APBA2: variants seen among roughly 807,000 people sequenced by gnomAD.
APBA2 encodes amyloid beta precursor protein binding family A member 2.
In APBA2, 30 loss-of-function variants were observed where a neutral mutation model predicts 75.0. The ratio of observed to expected loss-of-function variants is 0.40; its 90% CI spans 0.30 to 0.54. The LOEUF is 0.54. Ranked by LOEUF, APBA2 falls within the 20% of genes least tolerant of loss-of-function variation. The pLI is 0.49. For synonymous variants in APBA2, 444 were observed against 409.6 expected, an observed-to-expected ratio of 1.08 and a Z score of -1.01; for missense variants, 801 against 1,016.1, an observed-to-expected ratio of 0.79 and a Z score of 2.88.
Position 29,117,491 on chromosome 15 carries a change from G to T in APBA2, c.*358G>T, listed in dbSNP as rs2045266328. 2 of 302,036 alleles carry T rather than the reference G, an allele frequency of 6.6e-6. No homozygotes were observed. Among genetic ancestry groups the T allele is most frequent in the Non-Finnish European group, 6.3e-6 (1 of 158,944 alleles). 18.7% of individuals were successfully genotyped at this position (302,036 alleles called of 1,614,324 possible). On this transcript the variant is annotated 3_prime_UTR_variant, in exon 15 of 15. Coordinates refer to ENST00000683413, the MANE Select transcript of APBA2 (RefSeq NM_001353788.2). Reference sequence around the variant, plus strand: ...TGCGGAGCGAACTGGCGCCTCCGAGGGACGCGGCTCCCGGGGCAGGGCAGC... The same window carrying T: ...TGCGGAGCGAACTGGCGCCTCCGAGTGACGCGGCTCCCGGGGCAGGGCAGC...
rs954163077 is a variant in APBA2 at position 29,048,980 on chromosome 15, G to A, written c.-40-4865G>A. Among the ~76,000 whole-genome samples, 39 of 152,022 alleles carry A rather than the reference G, an allele frequency of 2.6e-4. 1 individual carries two copies. Among genetic ancestry groups the A allele is most frequent in the Non-Finnish European group, 1.0e-4 (7 of 68,006 alleles). The stretch of plus-strand genomic sequence containing the variant: ...AAGAATTTAGTGTATGACACGCAGG[G>A]TGACCAGCCATCCCAGTTCCTGTGG... On this transcript the variant is annotated intron_variant, in intron 3 of 14. Coordinates refer to ENST00000683413, the MANE Select transcript of APBA2 (RefSeq NM_001353788.2).
chr15:28,976,267 T>G (rs1261249471), intron 2 of APBA2, among the ~76,000 whole-genome samples: 1 of 152,244 alleles, frequency 6.6e-6, no homozygotes, highest in Non-Finnish European at 1.5e-5. Context: ...ACAGTATGTC[T>G]CCTGCATGTA....
At chr15:28,958,104 C>T (rs184775643) in intron 2 of APBA2, among the ~76,000 whole-genome samples, 1 of 152,344 alleles carries the variant, frequency 6.6e-6, no homozygotes, top group East Asian at 1.9e-4. Flanking sequence ...GGATTGCACT[C>T]TCTGCTTTCT....
chr15:29,010,744 A>G (rs1405581565), intron 3 of APBA2, among the ~76,000 whole-genome samples: 2 of 152,308 alleles, frequency 1.3e-5, no homozygotes, highest in East Asian at 3.9e-4. Flanking sequence ...GAACATGAAA[A>G]CAACAGCATA....
chr15:28,901,508 G>A (rs559159242), intron 1 of APBA2, among the ~76,000 whole-genome samples: 1 of 152,322 alleles, frequency 6.6e-6, no homozygotes, highest in East Asian at 1.9e-4. Flanking sequence ...TTCAGTATGT[G>A]GTGCTGTGTG....
chr15:28,910,035 C>CAGAA (rs1305994247), intron 1 of APBA2, among the ~76,000 whole-genome samples: 2 of 152,174 alleles, frequency 1.3e-5, no homozygotes, highest in East Asian at 3.9e-4. Context: ...TTGGTATACC[C>CAGAA]AGAAAGAGAG....
chr15:29,097,347 C>T (rs937914749), intron 8 of APBA2, among the ~76,000 whole-genome samples: 3 of 152,264 alleles, frequency 2.0e-5, no homozygotes, highest in African/African-American at 7.2e-5. Context: ...CGCCCCATCT[C>T]GGTCAAGCTC....
intron 2 of APBA2, among the ~76,000 whole-genome samples, chr15:28,937,646 GTTTC>G (rs1231333144): frequency 6.6e-6 from 1 of 151,808 alleles, no homozygotes; most frequent in Non-Finnish European, 1.5e-5. Context: ...GTTGGATTTA[GTTTC>G]TTTTTTTTTT....
At chr15:28,924,459 C>T (rs1025829975) in intron 2 of APBA2, among the ~76,000 whole-genome samples, 1 of 152,224 alleles carries the variant, frequency 6.6e-6, no homozygotes, top group Non-Finnish European at 1.5e-5. Flanking sequence ...AATCTGCTTT[C>T]TGTCTCCATG....
At chr15:28,996,905 G>A (rs1306756019) in intron 3 of APBA2, among the ~76,000 whole-genome samples, 4 of 152,186 alleles carry the variant, frequency 2.6e-5, no homozygotes, top group African/African-American at 7.2e-5. Flanking sequence ...GTGAGGGGAC[G>A]GATGAAGACC....
Position 29,101,710 on chromosome 15 carries a change from A to G in APBA2, c.1450A>G (p.Ile484Val). The change falls in exon 10 of 15, where the codon ATC (isoleucine) becomes GTC (valine). Residue 484 changes from isoleucine (I) to valine (V), a missense_variant. This residue lies in a region of APBA2 where 367 missense variants were observed against 544.5 expected (regional missense o/e 0.67). Coordinates refer to ENST00000683413, the MANE Select transcript of APBA2 (RefSeq NM_001353788.2). Reference protein sequence around the residue: ...RMPRSASQDCIETTPGAQEGK... With the variant: ...RMPRSASQDCVETTPGAQEGK... ...GCCCCGGTCAGCCTCTCAGGACTGC[A>G]TCGAGACCACGCCCGGGGCCCAGGA... The G allele has an allele frequency of 1.2e-6, 2 of 1,613,744 alleles. No homozygotes were observed. The highest frequency in any genetic ancestry group is 2.2e-5 in the East Asian group (1 of 44,882).
intron 3 of APBA2, among the ~76,000 whole-genome samples, chr15:29,002,943 G>A (rs1486945632): frequency 6.6e-6 from 1 of 152,116 alleles, no homozygotes; most frequent in African/African-American, 2.4e-5. Context: ...GCGAGAGAGG[G>A]GGAAGACGGG....
intron 3 of APBA2, among the ~76,000 whole-genome samples, chr15:29,022,873 ATGTAG>A (rs2040021092): frequency 8.0e-6 from 1 of 125,322 alleles, no homozygotes; most frequent in Non-Finnish European, 1.5e-5. Flanking sequence ...TTATCTGGGA[ATGTAG>A]TGTATTTTTT....
At chr15:29,000,695 A>G (rs2038797651) in intron 3 of APBA2, among the ~76,000 whole-genome samples, 1 of 150,348 alleles carries the variant, frequency 6.7e-6, no homozygotes, top group Admixed American at 6.6e-5. Context: ...GGCTCAATCA[A>G]CCCTCCCTCC....
At chr15:29,060,786 GA>G (rs2042098989) in intron 4 of APBA2, among the ~76,000 whole-genome samples, 1 of 151,804 alleles carries the variant, frequency 6.6e-6, no homozygotes, top group Admixed American at 6.6e-5. Context: ...ATAACGTATT[GA>G]TTTTTTTTTT....
intron 4 of APBA2, among the ~76,000 whole-genome samples, chr15:29,072,551 G>T (rs2042671052): frequency 6.6e-6 from 1 of 152,084 alleles, no homozygotes; most frequent in Non-Finnish European, 1.5e-5. Flanking sequence ...AGCGGTACCT[G>T]GGCCAGTCTC....
At chr15:29,021,401 G>T (rs1036135380) in intron 3 of APBA2, among the ~76,000 whole-genome samples, 1 of 151,932 alleles carries the variant, frequency 6.6e-6, no homozygotes, top group African/African-American at 2.4e-5. Flanking sequence ...GGTGGCGCGC[G>T]CCTGTAGTGC....
At position 28,920,449 on chromosome 15, in the gene APBA2, C is replaced by A. The variant is rs148312536; in HGVS notation, c.-204-1191C>A. Among the ~76,000 whole-genome samples, 8 of 152,288 alleles carry A rather than the reference C, an allele frequency of 5.3e-5. No homozygotes were observed. The East Asian group carries it at 1.5e-3, about 29-fold the overall frequency. ...CATGCAGAACTGTGCCTCCCTGGGCCCCATTAGAGTCCCTGGCTCTTGGTG... is the reference window on the plus strand; with the variant it reads ...CATGCAGAACTGTGCCTCCCTGGGCACCATTAGAGTCCCTGGCTCTTGGTG... On this transcript the variant is annotated intron_variant, in intron 1 of 14. Transcript: ENST00000683413.
intron 2 of APBA2, among the ~76,000 whole-genome samples, chr15:28,942,252 C>T (rs929197546): frequency 5.3e-5 from 8 of 152,272 alleles, no homozygotes; most frequent in Middle Eastern, 6.8e-3. Flanking sequence ...CTGTGGGCCG[C>T]GCTCCTTCCT....
Sources: gnomAD v4.1 joint callset for allele counts (sites outside exome capture counted in the v4.1 genomes callset) on GRCh38, gnomAD v4.1.1 for gene constraint, gnomAD v4.1.1 regional missense constraint, MANE v1.5 for transcripts, NCBI Gene and HGNC (gene_info 2026-07-23, HGNC 2026-07-21) for gene names.